The following GTF2E2 variants were observed in gnomAD, a reference collection of about 807,000 sequenced individuals.
GTF2E2 encodes the protein transcription initiation factor IIE subunit beta.
GTF2E2 carries 21 observed loss-of-function variants against 40.5 expected under a neutral mutation model. That is an observed-to-expected ratio of 0.52 (90% CI 0.37 to 0.75). The LOEUF (loss-of-function observed/expected upper bound fraction) is 0.75. Ranked by LOEUF, GTF2E2 falls within the 30% of genes least tolerant of loss-of-function variation. GTF2E2 has a pLI of 0.00. For synonymous variants in GTF2E2, 117 were observed against 121.6 expected (o/e 0.96, Z 0.25); for missense variants, 298 against 338.4 (o/e 0.88, Z 0.94).
At position 30,658,164 on chromosome 8, in the gene GTF2E2, C is replaced by G. The variant is rs1802508798; in HGVS notation, c.-196G>C. On this transcript the variant is annotated 5_prime_UTR_variant, in exon 1 of 8. Coordinates refer to ENST00000355904, the MANE Select transcript of GTF2E2 (RefSeq NM_002095.6). ...GCGGTGGCGGCGGCGGCGGCGGCAG[C>G]GGCGGTAGCTGAGGCGGCGACTGGA... 5.1e-6 allele frequency: 1 copy of G among 194,200 alleles called. No individual in the cohort carries two copies. Among genetic ancestry groups the G allele is most frequent in the South Asian group, 7.5e-5 (1 of 13,416 alleles). The allele number at this position is 194,200 out of a possible 1,614,324, so 12.0% of individuals were successfully genotyped here. A position where few individuals can be genotyped will look rare whatever the true frequency, so the allele number is the denominator to read the frequency against.
intron 3 of GTF2E2, among the ~76,000 whole-genome samples, chr8:30,623,022 T>C (rs1311793827): frequency 6.6e-6 from 1 of 152,056 alleles, no homozygotes; most frequent in African/African-American, 2.4e-5. Context: ...GAGATTAAAG[T>C]AAAGACAGGC....
intron 6 of GTF2E2, among the ~76,000 whole-genome samples, chr8:30,587,645 T>C (rs142812816): frequency 2.0e-5 from 3 of 151,822 alleles, no homozygotes; most frequent in African/African-American, 4.8e-5. Flanking sequence ...GGCCAAGGCA[T>C]GTGGATCACC....
chr8:30,585,772 TAAAA>T (rs146018850), intron 6 of GTF2E2, among the ~76,000 whole-genome samples: 22,576 of 67,196 alleles, frequency 0.34, 3,173 homozygotes, highest in African/African-American at 0.4. Context: ...CTTTGCCCTT[TAAAA>T]AAAAAAAAAA....
At chr8:30,653,630 T>TTTGTATTAAAG in intron 1 of GTF2E2, 28 bp from the exon 2 acceptor site, 1 of 1,560,694 alleles carries the variant, frequency 6.4e-7, no homozygotes. Context: ...GTGTCTTTAA[T>TTTGTATTAAAG]ACAAATTCAA....
chr8:30,637,679 G>A (rs773252478), intron 2 of GTF2E2, among the ~76,000 whole-genome samples: 19 of 152,000 alleles, frequency 1.3e-4, no homozygotes, highest in East Asian at 3.9e-4. Context: ...GACTGCCACC[G>A]TGCCTGGCTA....
intron 1 of GTF2E2, among the ~76,000 whole-genome samples, chr8:30,655,871 T>C (rs985989212): frequency 6.6e-6 from 1 of 151,934 alleles, no homozygotes; most frequent in Non-Finnish European, 1.5e-5. Context: ...AGTGCAGTGG[T>C]GCAATCTCGG....
At chr8:30,610,241 T>C (rs1230417512) in intron 5 of GTF2E2, among the ~76,000 whole-genome samples, 5 of 150,708 alleles carry the variant, frequency 3.3e-5, no homozygotes, top group Non-Finnish European at 7.4e-5. Flanking sequence ...AGGTCAGGAG[T>C]TCGAGACCAG....
At chr8:30,633,682 G>C (rs1801505053) in intron 3 of GTF2E2, among the ~76,000 whole-genome samples, 2 of 152,186 alleles carry the variant, frequency 1.3e-5, no homozygotes, top group South Asian at 2.1e-4. Context: ...TTAAATGTCA[G>C]TGTCCCTCAA....
chr8:30,598,638 C>A (rs1829083111), intron 6 of GTF2E2, among the ~76,000 whole-genome samples: 1 of 152,126 alleles, frequency 6.6e-6, no homozygotes. Context: ...TATATGACAT[C>A]TACTATGTAA....
intron 2 of GTF2E2, among the ~76,000 whole-genome samples, chr8:30,647,394 G>A (rs1586007693): frequency 1.3e-5 from 2 of 152,034 alleles, no homozygotes; most frequent in South Asian, 2.1e-4. Context: ...CAGCCTGGTT[G>A]ACATGGTGAA....
chr8:30,636,786 G>GTGT, intron 2 of GTF2E2: 1 of 263,462 alleles, frequency 3.8e-6, no homozygotes, highest in Non-Finnish European at 7.4e-6. Context: ...GAGAGAGTTG[G>GTGT]AGGTTGCAGT....
At chr8:30,579,611 GC>G (rs761519800) in intron 7 of GTF2E2, among the ~76,000 whole-genome samples, 19 of 152,158 alleles carry the variant, frequency 1.2e-4, no homozygotes, top group Non-Finnish European at 2.4e-4. Context: ...AAACACACAT[GC>G]CCACCCCACA....
intron 2 of GTF2E2, among the ~76,000 whole-genome samples, chr8:30,650,468 T>A (rs1802234762): frequency 7.0e-6 from 1 of 143,438 alleles, no homozygotes; most frequent in Admixed American, 7.2e-5. Flanking sequence ...GGGGGATGGA[T>A]CCCTTGAAGC....
At chr8:30,648,857 AAC>A (rs1156693899) in intron 2 of GTF2E2, among the ~76,000 whole-genome samples, 34 of 152,220 alleles carry the variant, frequency 2.2e-4, no homozygotes, top group Admixed American at 2.2e-3. Context: ...TTGTTACCAC[AAC>A]ACAGTTTATC....
intron 6 of GTF2E2, among the ~76,000 whole-genome samples, chr8:30,603,106 T>C (rs572990271): frequency 6.6e-6 from 1 of 152,332 alleles, no homozygotes; most frequent in African/African-American, 2.4e-5. Flanking sequence ...AGACAGGGAC[T>C]GGTCTATCTT....
At chr8:30,612,590 G>C (rs375720908) in intron 4 of GTF2E2, 109 bp from the exon 5 acceptor site, 2 of 529,146 alleles carry the variant, frequency 3.8e-6, no homozygotes, top group East Asian at 6.7e-5. Context: ...GCAGTGGCGT[G>C]ATCTCAGCTC....
intron 2 of GTF2E2, among the ~76,000 whole-genome samples, chr8:30,647,110 G>A (rs185537916): frequency 0.013 from 1,965 of 151,280 alleles, 12 homozygotes; most frequent in Middle Eastern, 0.021. Flanking sequence ...ATACACATGA[G>A]TAAGGTTTGA....
rs1425230654 is a variant in GTF2E2 at position 30,579,035 on chromosome 8, G to A, written c.762C>T (p.Ala254=). The A allele has an allele frequency of 6.6e-7, 1 of 1,520,816 alleles. No individual in the cohort carries two copies. The highest frequency in any genetic ancestry group is 9.1e-7 in the Non-Finnish European group (1 of 1,094,974). 94.2% of individuals were successfully genotyped at this position (1,520,816 alleles called of 1,614,324 possible). A position where few individuals can be genotyped will look rare whatever the true frequency, so the allele number is the denominator to read the frequency against. Reference sequence around the variant, plus strand: ...CAGGCTTTTTCCTTCTCTGAATAGGGGCCTAAAGGAAAAGGTAAAAACAAT... The same window carrying A: ...CAGGCTTTTTCCTTCTCTGAATAGGAGCCTAAAGGAAAAGGTAAAAACAAT... The part of the protein sequence containing the change: ...SMQESGPKKV[A]PIQRRKKPAS... The change falls in exon 8 of 8, where the codon GCC becomes GCT. Residue 254 remains alanine, a splice_region_variant and synonymous_variant. Coordinates refer to ENST00000355904, the MANE Select transcript of GTF2E2 (RefSeq NM_002095.6).
At chr8:30,594,877 T>C (rs892103446) in intron 6 of GTF2E2, among the ~76,000 whole-genome samples, 1 of 150,944 alleles carries the variant, frequency 6.6e-6, no homozygotes, top group Non-Finnish European at 1.5e-5. Context: ...AAAAAAAGTA[T>C]ATACTAGAGT....
Sources: gnomAD v4.1 joint callset for allele counts (sites outside exome capture counted in the v4.1 genomes callset) on GRCh38, gnomAD v4.1.1 for gene constraint, MANE v1.5 for transcripts, NCBI Gene and HGNC (gene_info 2026-07-23, HGNC 2026-07-21) for gene names.